The following RBMS3 variants were observed in gnomAD, a reference collection of about 807,000 sequenced individuals.
The protein encoded by RBMS3 is RNA-binding motif, single-stranded-interacting protein 3.
RBMS3 carries 27 observed loss-of-function variants against 66.8 expected under a neutral mutation model. The observed-to-expected ratio is 0.40, with a 90% CI of 0.30 to 0.56. The LOEUF is 0.56. RBMS3 is among the 20% of genes least tolerant of loss of function. The pLI is 0.40. For synonymous variants in RBMS3, 188 were observed against 183.0 expected (o/e 1.03, Z -0.22); for missense variants, 513 against 549.5 (o/e 0.93, Z 0.66).
intron 6 of RBMS3, among the ~76,000 whole-genome samples, chr3:29,791,311 A>G (rs1332903606): frequency 1.3e-5 from 2 of 152,164 alleles, no homozygotes; most frequent in Non-Finnish European, 2.9e-5. Context: ...TGCTGTTTTA[A>G]TAGAAATTCC....
intron 2 of RBMS3, among the ~76,000 whole-genome samples, chr3:29,441,783 A>G (rs1367533624): frequency 6.6e-6 from 1 of 152,172 alleles, no homozygotes; most frequent in African/African-American, 2.4e-5. Flanking sequence ...GTATGTAGCA[A>G]AGATTGAGAA....
At chr3:29,644,368 A>G (rs1215870803) in intron 4 of RBMS3, among the ~76,000 whole-genome samples, 2 of 152,160 alleles carry the variant, frequency 1.3e-5, no homozygotes, top group South Asian at 2.1e-4. Flanking sequence ...TATTCCAGTA[A>G]TTGTGGGAGG....
chr3:29,733,129 C>A (rs192762477), intron 4 of RBMS3, among the ~76,000 whole-genome samples: 5 of 152,112 alleles, frequency 3.3e-5, no homozygotes, highest in Admixed American at 3.3e-4. Context: ...ATATATACAT[C>A]TTTCTCAATG....
chr3:29,802,007 T>C (rs2149444452), intron 6 of RBMS3, among the ~76,000 whole-genome samples: 1 of 152,304 alleles, frequency 6.6e-6, no homozygotes, highest in South Asian at 2.1e-4. Flanking sequence ...CAACATCTCT[T>C]TTTCTTCCTT....
At chr3:29,617,085 A>T (rs1442080131) in intron 4 of RBMS3, 1 of 152,236 alleles carries the variant, frequency 6.6e-6, no homozygotes, top group East Asian at 1.9e-4. Flanking sequence ...GGAGGAAGGG[A>T]GAGAAGACCA....
intron 4 of RBMS3, among the ~76,000 whole-genome samples, chr3:29,634,893 G>A (rs2049418997): frequency 6.6e-6 from 1 of 151,832 alleles, no homozygotes; most frequent in Admixed American, 6.6e-5. Flanking sequence ...TCTTTCTGAA[G>A]TACACTAGTT....
intron 3 of RBMS3, among the ~76,000 whole-genome samples, chr3:29,569,987 G>A (rs2046891422): frequency 1.4e-5 from 1 of 69,638 alleles, no homozygotes; most frequent in African/African-American, 6.0e-5. Context: ...GTTGCTTAGG[G>A]AAAAATCAGA....
chr3:29,817,307 G>A (rs534275441), intron 6 of RBMS3, among the ~76,000 whole-genome samples: 1 of 151,526 alleles, frequency 6.6e-6, no homozygotes, highest in South Asian at 2.1e-4. Flanking sequence ...GGGTTCAAGC[G>A]ATTCTCCTGT....
chr3:29,902,409 A>G (rs2060276948), intron 10 of RBMS3, among the ~76,000 whole-genome samples: 1 of 151,856 alleles, frequency 6.6e-6, no homozygotes, highest in Non-Finnish European at 1.5e-5. Flanking sequence ...GTTGAGAATC[A>G]TCTATTTCTA....
intron 4 of RBMS3, chr3:29,616,088 G>A (rs1255091146): frequency 6.6e-6 from 1 of 152,182 alleles, no homozygotes; most frequent in Non-Finnish European, 1.5e-5. Flanking sequence ...GGTTACAGGA[G>A]AAAAGTACAG....
At chr3:29,831,578 C>A (rs535554342) in intron 6 of RBMS3, among the ~76,000 whole-genome samples, 2 of 151,972 alleles carry the variant, frequency 1.3e-5, no homozygotes, top group South Asian at 4.2e-4. Flanking sequence ...AAAACTCAAC[C>A]ATATAGTTAC....
chr3:29,697,397 T>C (rs781722593), intron 4 of RBMS3, among the ~76,000 whole-genome samples: 1 of 152,208 alleles, frequency 6.6e-6, no homozygotes, highest in Non-Finnish European at 1.5e-5. Flanking sequence ...CTCTGAAACG[T>C]TGGGGGAACA....
At chr3:29,743,213 T>C (rs139059587) in intron 5 of RBMS3, among the ~76,000 whole-genome samples, 10 of 152,352 alleles carry the variant, frequency 6.6e-5, no homozygotes, top group African/African-American at 2.4e-4. Flanking sequence ...TTGCCTTAAC[T>C]AATTTGATCA....
intron 4 of RBMS3, among the ~76,000 whole-genome samples, chr3:29,640,278 ACACACACC>A (rs1467415990): frequency 7.0e-4 from 106 of 150,570 alleles, no homozygotes; most frequent in East Asian, 2.3e-3. Context: ...ACACACACAC[ACACACACC>A]CACACACACA....
chr3:29,775,781 T>C (rs1253703852), intron 6 of RBMS3, among the ~76,000 whole-genome samples: 2 of 152,046 alleles, frequency 1.3e-5, no homozygotes, highest in African/African-American at 4.8e-5. Context: ...ATAATATATT[T>C]AAACACTAGC....
intron 3 of RBMS3, among the ~76,000 whole-genome samples, chr3:29,548,134 A>G (rs1312709424): frequency 2.0e-5 from 3 of 152,100 alleles, no homozygotes; most frequent in African/African-American, 7.2e-5. Flanking sequence ...ATCCATCCAT[A>G]AAAAGTTAAT....
intron 6 of RBMS3, among the ~76,000 whole-genome samples, chr3:29,820,450 T>G (rs971326001): frequency 2.0e-5 from 3 of 151,978 alleles, no homozygotes; most frequent in Non-Finnish European, 4.4e-5. Flanking sequence ...ATAGATTCCA[T>G]GTTAATTTTT....
chr3:29,748,773 C>T (rs9855961), intron 5 of RBMS3, among the ~76,000 whole-genome samples: 18,611 of 152,152 alleles, frequency 0.12, 2,527 homozygotes, highest in African/African-American at 0.34. Context: ...TTGAAGAAAG[C>T]ATAGTAGATG....
At chr3:29,803,785 CAT>C (rs1438254486) in intron 6 of RBMS3, among the ~76,000 whole-genome samples, 2 of 151,842 alleles carry the variant, frequency 1.3e-5, no homozygotes, top group African/African-American at 4.8e-5. Flanking sequence ...GAATAAGAAA[CAT>C]ATTTTTAAAT....
Sources: gnomAD v4.1 joint callset for allele counts (sites outside exome capture counted in the v4.1 genomes callset) on GRCh38, gnomAD v4.1.1 for gene constraint, MANE v1.5 for transcripts, NCBI Gene and HGNC (gene_info 2026-07-23, HGNC 2026-07-21) for gene names.